KHDRBS1: variants seen among roughly 807,000 people sequenced by gnomAD.
KHDRBS1 encodes the protein KH RNA binding domain containing, signal transduction associated 1.
KHDRBS1 carries 7 observed loss-of-function variants against 48.4 expected under a neutral mutation model. The ratio of observed to expected loss-of-function variants is 0.14; its 90% CI spans 0.08 to 0.27. KHDRBS1 has a LOEUF of 0.27. Among genes scored for constraint, KHDRBS1 ranks in the 10% least tolerant of loss-of-function variants. The pLI, the probability that KHDRBS1 is intolerant of heterozygous loss-of-function variation, is 1.00. For synonymous variants in KHDRBS1, 241 were observed against 235.8 expected (o/e 1.02, Z -0.20); for missense variants, 458 against 601.2 (o/e 0.76, Z 2.49).
At chr1:32,014,799 C>G (rs1246894528) in intron 1 of KHDRBS1, among the ~76,000 whole-genome samples, 1 of 152,104 alleles carries the variant, frequency 6.6e-6, no homozygotes, top group African/African-American at 2.4e-5. Flanking sequence ...GTGAAGACAG[C>G]CAGAGCGGGG....
chr1:32,037,075 T>C (rs761707370), intron 5 of KHDRBS1, 32 bp downstream of exon 5: 1 of 1,608,642 alleles, frequency 6.2e-7, no homozygotes, highest in South Asian at 1.1e-5. Flanking sequence ...AGAAATAGGA[T>C]GTGAATTTGA....
downstream of KHDRBS1, among the ~76,000 whole-genome samples, chr1:32,047,637 C>G (rs1249134251): frequency 6.6e-6 from 1 of 152,192 alleles, no homozygotes; most frequent in East Asian, 1.9e-4. Flanking sequence ...CTGTATGCAT[C>G]ATAATATCCT....
At chr1:32,017,042 G>C (rs1638755310) in intron 1 of KHDRBS1, among the ~76,000 whole-genome samples, 1 of 152,206 alleles carries the variant, frequency 6.6e-6, no homozygotes. Context: ...CGGATCACTT[G>C]AGGTCAGGAG....
intron 1 of KHDRBS1, among the ~76,000 whole-genome samples, chr1:32,021,409 A>AAATATTGAACCTATTGGCTC (rs1401504238): frequency 6.6e-6 from 1 of 152,178 alleles, no homozygotes; most frequent in Non-Finnish European, 1.5e-5. Flanking sequence ...ATTCCAAAAA[A>AAATATTGAACCTATTGGCTC]AATAAAGAAC....
At chr1:32,038,170 CA>C in intron 6 of KHDRBS1, 134 bp downstream of exon 6, 1 of 1,361,328 alleles carries the variant, frequency 7.3e-7, no homozygotes, top group Non-Finnish European at 9.9e-7. Flanking sequence ...TCTTCTCTTG[CA>C]GTGAATGTTG....
In KHDRBS1 at chr1:32,018,186, C is replaced by A. The variant is rs1307573618; in HGVS notation, c.382+3809C>A. Reference sequence around the variant, plus strand: ...TTAAAACTGGAAAATAAGGGCCGGGCCTGGTGGCTCATGCCTGTAATCCCA... The same window carrying A: ...TTAAAACTGGAAAATAAGGGCCGGGACTGGTGGCTCATGCCTGTAATCCCA... On this transcript the variant is annotated intron_variant, in intron 1 of 8. Coordinates refer to ENST00000327300, the MANE Select transcript of KHDRBS1 (RefSeq NM_006559.3). Among the ~76,000 whole-genome samples, 3 of 152,134 alleles carry A rather than the reference C, an allele frequency of 2.0e-5. No homozygotes were observed. The East Asian group carries it at 5.8e-4, about 29-fold the overall frequency.
chr1:32,047,981 T>G (rs1295710796), downstream of KHDRBS1, among the ~76,000 whole-genome samples: 1 of 152,204 alleles, frequency 6.6e-6, no homozygotes, highest in Non-Finnish European at 1.5e-5. Flanking sequence ...TGACTTTGCA[T>G]AGTGTTTGGT....
intron 1 of KHDRBS1, among the ~76,000 whole-genome samples, chr1:32,022,293 C>T (rs1638875368): frequency 6.6e-6 from 1 of 152,114 alleles, no homozygotes; most frequent in African/African-American, 2.4e-5. Flanking sequence ...CCACCGCGCC[C>T]CAGCCGGTAC....
intron 10 of KHDRBS1, among the ~76,000 whole-genome samples, chr1:32,057,292 A>G (rs1394327948): frequency 6.6e-6 from 1 of 152,086 alleles, no homozygotes; most frequent in Non-Finnish European, 1.5e-5. Context: ...GTGATCCTCC[A>G]CCTCAGCCTC....
In KHDRBS1 at chr1:32,014,038, T is replaced by C; in HGVS notation, c.43T>C (p.Ser15Pro). 6.6e-7 allele frequency: 1 copy of C among 1,524,258 alleles called. No individual in the cohort carries two copies. The highest frequency in any genetic ancestry group is 8.7e-7 in the Non-Finnish European group (1 of 1,147,172). 94.4% of individuals were successfully genotyped at this position (1,524,258 alleles called of 1,614,324 possible). A position where few individuals can be genotyped will look rare whatever the true frequency, so the allele number is the denominator to read the frequency against. ...DDPAARMSRSSGRSGSMDPSG... is the reference protein window; with the variant it reads ...DDPAARMSRSPGRSGSMDPSG... ...CCCCGCCGCGCGCATGAGCCGGTCT[T>C]CGGGCCGTAGCGGCTCCATGGACCC... The change falls in exon 1 of 9, where the codon TCG (serine) becomes CCG (proline). Residue 15 changes from serine (S) to proline (P), a missense_variant. Physicochemically the swap from Ser to Pro is moderately conservative, Grantham distance 74. Coordinates refer to ENST00000327300, the MANE Select transcript of KHDRBS1 (RefSeq NM_006559.3).
rs764708873 is a variant in KHDRBS1 at position 32,033,174 on chromosome 1, G to A, written c.625-14G>A. On this transcript the variant is annotated splice_polypyrimidine_tract_variant and intron_variant, in intron 3 of 8. Transcript: ENST00000327300. ...CTAGTCCATGGTGTGACATTTCTCTGCATTTTTCCATAGGAGGAAGAGCTG... is the reference window on the plus strand; with the variant it reads ...CTAGTCCATGGTGTGACATTTCTCTACATTTTTCCATAGGAGGAAGAGCTG... 1 of 1,611,120 alleles carries A rather than the reference G, an allele frequency of 6.2e-7. No individual in the cohort carries two copies. The highest frequency in any genetic ancestry group is 1.7e-5 in the Admixed American group (1 of 60,008).
At chr1:32,053,564 T>G (rs1639447555) in intron 10 of KHDRBS1, among the ~76,000 whole-genome samples, 1 of 152,054 alleles carries the variant, frequency 6.6e-6, no homozygotes, top group African/African-American at 2.4e-5. Context: ...TTGACTTTAT[T>G]TTTTATAGAA....
downstream of KHDRBS1, among the ~76,000 whole-genome samples, chr1:32,046,768 A>G (rs1295326101): frequency 6.6e-6 from 1 of 152,164 alleles, no homozygotes; most frequent in African/African-American, 2.4e-5. Flanking sequence ...TCACAGTGAA[A>G]TTTGGCTTCT....
intron 5 of KHDRBS1, 136 bp from the exon 6 acceptor site, chr1:32,037,699 C>G: frequency 3.2e-6 from 3 of 952,038 alleles, no homozygotes; most frequent in Non-Finnish European, 4.9e-6. Context: ...TTACCCTGTA[C>G]ATTCCTCTGT....
At chr1:32,027,620 CAATTCATCAGCAATTTT>C (rs1639001437) in intron 1 of KHDRBS1, among the ~76,000 whole-genome samples, 1 of 152,112 alleles carries the variant, frequency 6.6e-6, no homozygotes, top group Non-Finnish European at 1.5e-5. Flanking sequence ...AGGATATTTA[CAATTCATCAGCAATTTT>C]AATTGTCAGA....
At chr1:32,020,734 T>C (rs1638841461) in intron 1 of KHDRBS1, among the ~76,000 whole-genome samples, 1 of 152,104 alleles carries the variant, frequency 6.6e-6, no homozygotes, top group African/African-American at 2.4e-5. Context: ...ATTTCATTAA[T>C]ATAACATTCT....
intron 8 of KHDRBS1, among the ~76,000 whole-genome samples, chr1:32,041,954 A>T (rs1216049339): frequency 6.6e-6 from 1 of 152,222 alleles, no homozygotes; most frequent in East Asian, 1.9e-4. Context: ...CAGAGAGAGC[A>T]GTATCAGCTC....
At chr1:32,051,980 AT>A (rs1261561871) in intron 10 of KHDRBS1, among the ~76,000 whole-genome samples, 1 of 152,018 alleles carries the variant, frequency 6.6e-6, no homozygotes, top group Admixed American at 6.6e-5. Flanking sequence ...AGTCATTTTC[AT>A]TTTTTTCCCT....
chr1:32,049,818 C>T (rs1303245156), intron 10 of KHDRBS1, among the ~76,000 whole-genome samples: 10 of 151,974 alleles, frequency 6.6e-5, no homozygotes, highest in African/African-American at 2.4e-4. Flanking sequence ...CGTGCCACCA[C>T]ACCCGGCTAA....
Sources: gnomAD v4.1 joint callset for allele counts (sites outside exome capture counted in the v4.1 genomes callset) on GRCh38, gnomAD v4.1.1 for gene constraint, MANE v1.5 for transcripts, NCBI Gene and HGNC (gene_info 2026-07-23, HGNC 2026-07-21) for gene names.